Variants in SNTG1 observed in about 807,000 individuals in gnomAD.
SNTG1 encodes syntrophin gamma 1.
Under a neutral mutation model 74.7 loss-of-function variants are expected in SNTG1, and 39 were observed. The observed-to-expected ratio is 0.52, with a 90% CI of 0.40 to 0.68. The LOEUF (loss-of-function observed/expected upper bound fraction) is 0.68, where lower values mean the gene tolerates loss of function less well. SNTG1 is among the 30% of genes least tolerant of loss of function. The pLI, the probability that SNTG1 is intolerant of heterozygous loss-of-function variation, is 0.00. For missense variants in SNTG1, 685 were observed against 609.5 expected (o/e 1.12, Z -1.30); for synonymous variants, 254 against 217.1 (o/e 1.17, Z -1.49).
intron 2 of SNTG1, among the ~76,000 whole-genome samples, chr8:50,239,960 C>T (rs143034041): frequency 2.6e-5 from 4 of 152,230 alleles, no homozygotes; most frequent in Non-Finnish European, 4.4e-5. Flanking sequence ...TAAGAACAAC[C>T]TTTGACTTCC....
At chr8:50,583,607 T>C (rs539096114) in intron 12 of SNTG1, among the ~76,000 whole-genome samples, 1 of 151,990 alleles carries the variant, frequency 6.6e-6, no homozygotes, top group African/African-American at 2.4e-5. Context: ...TCAAATCAAA[T>C]GTTTCTTATG....
rs1395125509 is a variant in SNTG1 at position 50,701,806 on chromosome 8, T to C, written c.1039-2794T>C. On this transcript the variant is annotated intron_variant, in intron 15 of 18. Coordinates refer to ENST00000642720, the MANE Select transcript of SNTG1 (RefSeq NM_018967.5). ...CCTCTTCCTCCTCCTCCTCCTCTTC[T>C]TCTTCTTCTTCTTCTCCTCCTCCTC... is the stretch of plus-strand genomic sequence containing the variant. Among the ~76,000 whole-genome samples, 434 of 148,558 alleles carry C rather than the reference T, an allele frequency of 2.9e-3. 3 individuals are homozygous for C. The highest frequency in any genetic ancestry group is 8.5e-3 in the African/African-American group (338 of 39,914).
At chr8:50,453,663 A>G (rs1436779661) in intron 8 of SNTG1, among the ~76,000 whole-genome samples, 1 of 152,250 alleles carries the variant, frequency 6.6e-6, no homozygotes, top group Non-Finnish European at 1.5e-5. Context: ...TGAGAGTACC[A>G]TATGTGAAAC....
chr8:50,213,111 A>G (rs2084603144), intron 2 of SNTG1, among the ~76,000 whole-genome samples: 1 of 152,202 alleles, frequency 6.6e-6, no homozygotes, highest in East Asian at 1.9e-4. Flanking sequence ...AAGAGTAGAC[A>G]CACATCATCA....
chr8:50,251,229 G>T (rs1483463380), intron 2 of SNTG1, among the ~76,000 whole-genome samples: 4 of 151,850 alleles, frequency 2.6e-5, no homozygotes, highest in African/African-American at 4.8e-5. Context: ...TATAGTAAAT[G>T]TGCAAATGAG....
intron 18 of SNTG1, among the ~76,000 whole-genome samples, chr8:50,779,584 C>CGTGATTTTTGT: frequency 6.6e-6 from 1 of 152,252 alleles, no homozygotes; most frequent in African/African-American, 2.4e-5. Flanking sequence ...AGTTGCTTAT[C>CGTGATTTTTGT]AGCTTAAGGA....
chr8:50,047,335 A>C (rs1209486949), intron 1 of SNTG1, among the ~76,000 whole-genome samples: 1 of 149,172 alleles, frequency 6.7e-6, no homozygotes, highest in Non-Finnish European at 1.5e-5. Flanking sequence ...AGATGCTGCC[A>C]AAAAAAAAAA....
chr8:50,471,569 G>A (rs1563433866), intron 8 of SNTG1, among the ~76,000 whole-genome samples: 1 of 152,078 alleles, frequency 6.6e-6, no homozygotes, highest in Non-Finnish European at 1.5e-5. Context: ...TTGCTACCAA[G>A]TTACATATTA....
intron 8 of SNTG1, among the ~76,000 whole-genome samples, chr8:50,483,763 C>T (rs2093760039): frequency 1.3e-5 from 2 of 152,152 alleles, no homozygotes; most frequent in African/African-American, 4.8e-5. Context: ...TATTCTGCAG[C>T]TGCAAATCTA....
At chr8:50,542,269 C>A (rs1732905126) in intron 11 of SNTG1, among the ~76,000 whole-genome samples, 1 of 151,022 alleles carries the variant, frequency 6.6e-6, no homozygotes, top group Admixed American at 6.6e-5. Context: ...AATTCTTCTG[C>A]TTCAGTCTCC....
intron 8 of SNTG1, among the ~76,000 whole-genome samples, chr8:50,454,829 T>TAAAAAAAAAAAAA (rs1158732952): frequency 1.1e-5 from 1 of 95,152 alleles, no homozygotes; most frequent in African/African-American, 4.3e-5. Flanking sequence ...CAGACAGAGC[T>TAAAAAAAAAAAAA]AAAAAAAAAA....
intron 2 of SNTG1, among the ~76,000 whole-genome samples, chr8:50,346,438 C>T (rs1045990557): frequency 6.6e-6 from 1 of 152,212 alleles, no homozygotes; most frequent in Non-Finnish European, 1.5e-5. Context: ...CTCTGTCTTG[C>T]TTTCTCTCCT....
At chr8:49,967,184 A>G (rs1349470585) in intron 1 of SNTG1, among the ~76,000 whole-genome samples, 1 of 152,190 alleles carries the variant, frequency 6.6e-6, no homozygotes, top group East Asian at 1.9e-4. Flanking sequence ...GAAAAAACAG[A>G]TGTACAGTAT....
intron 13 of SNTG1, among the ~76,000 whole-genome samples, chr8:50,598,401 T>C (rs569995818): frequency 9.9e-5 from 15 of 152,120 alleles, no homozygotes; most frequent in African/African-American, 3.6e-4. Flanking sequence ...AGTGTATTGA[T>C]TTATTCTTAG....
intron 1 of SNTG1, among the ~76,000 whole-genome samples, chr8:49,982,399 C>T (rs1454937898): frequency 6.6e-6 from 1 of 151,910 alleles, no homozygotes; most frequent in African/African-American, 2.4e-5. Context: ...GTTCTAAACT[C>T]TGGAAATACA....
intron 1 of SNTG1, among the ~76,000 whole-genome samples, chr8:50,000,239 T>C (rs1024873837): frequency 6.6e-6 from 1 of 152,174 alleles, no homozygotes; most frequent in African/African-American, 2.4e-5. Flanking sequence ...TTCCGGGCTT[T>C]TAATATCCAT....
intron 2 of SNTG1, among the ~76,000 whole-genome samples, chr8:50,278,731 C>T (rs2088261599): frequency 6.6e-6 from 1 of 151,650 alleles, no homozygotes; most frequent in Non-Finnish European, 1.5e-5. Context: ...TTTTTTTAAA[C>T]CTTAAATTGA....
chr8:49,957,879 T>C (rs1810319649), intron 1 of SNTG1, among the ~76,000 whole-genome samples: 1 of 152,146 alleles, frequency 6.6e-6, no homozygotes, highest in Admixed American at 6.5e-5. Context: ...GACTAGAGGA[T>C]GGTTTGAACC....
chr8:50,109,037 C>G (rs895658348), intron 1 of SNTG1, among the ~76,000 whole-genome samples: 2 of 152,170 alleles, frequency 1.3e-5, no homozygotes, highest in African/African-American at 4.8e-5. Context: ...TAAAGGGACT[C>G]TACTCTGATT....
Sources: gnomAD v4.1 joint callset for allele counts (sites outside exome capture counted in the v4.1 genomes callset) on GRCh38, gnomAD v4.1.1 for gene constraint, MANE v1.5 for transcripts, NCBI Gene and HGNC (gene_info 2026-07-23, HGNC 2026-07-21) for gene names.